Variants in FRMPD3 observed in about 807,000 individuals in gnomAD.
FRMPD3 encodes the protein FERM and PDZ domain-containing protein 3.
Under a neutral mutation model 97.9 loss-of-function variants are expected in FRMPD3, and 42 were observed. The ratio of observed to expected loss-of-function variants is 0.43; its 90% CI spans 0.34 to 0.55. The LOEUF (loss-of-function observed/expected upper bound fraction) is 0.55, where lower values mean the gene tolerates loss of function less well. Among genes scored for constraint, FRMPD3 ranks in the 20% least tolerant of loss-of-function variants. The pLI, the probability that FRMPD3 is intolerant of heterozygous loss-of-function variation, is 0.03. For missense variants in FRMPD3, 1,303 were observed against 1,457.7 expected (o/e 0.89, Z 1.73); for synonymous variants, 577 against 581.1 (o/e 0.99, Z 0.10).
chrX:107,551,585 G>C (rs1921864570), intron 6 of FRMPD3, among the ~76,000 whole-genome samples: 1 of 111,827 alleles, frequency 8.9e-6, no homozygotes. Flanking sequence ...TGTTCCCCTC[G>C]CTTGTGATCT....
intron 10 of FRMPD3, among the ~76,000 whole-genome samples, chrX:107,562,727 C>T (rs749886821): frequency 1.7e-4 from 19 of 112,136 alleles, no homozygotes; most frequent in Admixed American, 4.7e-4. Context: ...TTAGTATGAA[C>T]GGTATTGAGT....
At chrX:107,586,652 T>G (rs1175952165) in intron 13 of FRMPD3, among the ~76,000 whole-genome samples, 2 of 111,824 alleles carry the variant, frequency 1.8e-5, no homozygotes, top group Non-Finnish European at 3.8e-5. Context: ...CATTGTCTCT[T>G]TGTTCTCCTT....
intron 12 of FRMPD3, among the ~76,000 whole-genome samples, chrX:107,565,594 C>A (rs1365489270): frequency 9.2e-6 from 1 of 108,688 alleles, no homozygotes; most frequent in East Asian, 2.9e-4. Context: ...ACTCAGGGGA[C>A]TGAGGTGGGA....
chrX:107,515,598 A>G (rs1452560920), intron 1 of FRMPD3, among the ~76,000 whole-genome samples: 1 of 112,165 alleles, frequency 8.9e-6, no homozygotes, highest in Non-Finnish European at 1.9e-5. Context: ...ACATATGTGT[A>G]GAAAACGTTT....
At chrX:107,488,349 C>T (rs927813175) in intron 1 of FRMPD3, among the ~76,000 whole-genome samples, 2 of 112,143 alleles carry the variant, frequency 1.8e-5, no homozygotes, top group Admixed American at 9.5e-5. Flanking sequence ...CTGCTATTTC[C>T]GTCCAAAGAA....
At chrX:107,507,355 A>G (rs1922059102) in intron 1 of FRMPD3, among the ~76,000 whole-genome samples, 1 of 108,725 alleles carries the variant, frequency 9.2e-6, no homozygotes, top group Non-Finnish European at 1.9e-5. Flanking sequence ...GCGAGCGGGA[A>G]GTTTTCCGCT....
At chrX:107,589,045 T>G (rs925291845) in intron 13 of FRMPD3, among the ~76,000 whole-genome samples, 6 of 110,662 alleles carry the variant, frequency 5.4e-5, no homozygotes, top group Non-Finnish European at 1.1e-4. Flanking sequence ...AGCATAGTTT[T>G]TTATTACCTA....
At chrX:107,531,334 TTCTC>T (rs1222708169) in intron 3 of FRMPD3, among the ~76,000 whole-genome samples, 30 of 105,813 alleles carry the variant, frequency 2.8e-4, no homozygotes, top group African/African-American at 1.0e-3. Flanking sequence ...CACTCTCCTT[TTCTC>T]TCTCCCTCTC....
chrX:107,581,830 G>C (rs1003371859), intron 13 of FRMPD3, among the ~76,000 whole-genome samples: 1 of 112,148 alleles, frequency 8.9e-6, no homozygotes, highest in Non-Finnish European at 1.9e-5. Context: ...GCATGCACCA[G>C]TACTTCATTC....
At position 107,550,180 on chromosome X, in the gene FRMPD3, G is replaced by T. The variant is rs773312953; in HGVS notation, c.510+24G>T. 3 of 995,862 alleles carry T rather than the reference G, an allele frequency of 3.0e-6. No homozygotes were observed. In the African/African-American group the frequency reaches 5.6e-5, roughly 19 times the overall value. 82.1% of individuals were successfully genotyped at this position (995,862 alleles called of 1,213,427 possible). A position where few individuals can be genotyped will look rare whatever the true frequency, so the allele number is the denominator to read the frequency against. ...AGGTACATACAGTCTCCTCCCCCTG[G>T]TCAGCATTGCCCTCTCCAGAGTACA... On this transcript the variant is annotated intron_variant, in intron 6 of 14. Coordinates refer to ENST00000683843, the MANE Select transcript of FRMPD3 (RefSeq NM_001388459.1).
At position 107,600,903 on chromosome X, in the gene FRMPD3, T is replaced by C; in HGVS notation, c.2864T>C (p.Ile955Thr). 1 of 1,209,454 alleles carries C rather than the reference T, an allele frequency of 8.3e-7. No individual in the cohort carries two copies. Among genetic ancestry groups the C allele is most frequent in the Non-Finnish European group, 1.1e-6 (1 of 894,888 alleles). The change falls in exon 15 of 15, where the codon ATC becomes ACC. Residue 955 changes from isoleucine to threonine, a missense_variant. Coordinates refer to ENST00000683843, the MANE Select transcript of FRMPD3 (RefSeq NM_001388459.1). ...CCAAAGAGCAGTGTGACCCCTGCCA[T>C]CATCTCGGCCGCCCTACAGCAAGTG... ...LDPKSSVTPA[I>T]ISAALQQVVH... is the part of the protein sequence containing the mutation.
intron 11 of FRMPD3, among the ~76,000 whole-genome samples, chrX:107,564,216 C>A (rs1922502481): frequency 8.9e-6 from 1 of 112,141 alleles, no homozygotes; most frequent in Non-Finnish European, 1.9e-5. Flanking sequence ...ACACTGAAAG[C>A]CCACTGTCCC....
At chrX:107,578,765 G>C (rs17254179) in intron 13 of FRMPD3, among the ~76,000 whole-genome samples, 1,509 of 111,234 alleles carry the variant, frequency 0.014, 20 homozygotes, top group East Asian at 0.079. Context: ...TTTAAATCTT[G>C]GGCCCTGTTA....
Position 107,601,716 on chromosome X carries a change from C to A in FRMPD3, c.3677C>A (p.Thr1226Asn), listed in dbSNP as rs914335204. 2.5e-6 allele frequency: 3 copies of A among 1,211,345 alleles called. No homozygotes were observed. Among genetic ancestry groups the A allele is most frequent in the Non-Finnish European group, 3.4e-6 (3 of 895,513 alleles). Residue 1226 changes from threonine to asparagine, a missense_variant, in exon 15 of 15, where the codon ACC becomes AAC. By Grantham distance (65) the Thr-to-Asn change is moderately conservative (BLOSUM62 0). Around this residue, in one of 3 missense-constraint regions of FRMPD3, gnomAD observed 764 missense variants for 820.2 expected, o/e 0.93. Coordinates refer to ENST00000683843, the MANE Select transcript of FRMPD3 (RefSeq NM_001388459.1). ...AATTTATTCTCTGCCACCTTCCCAA[C>A]CCGCCAGAAGAAGGAGACAGATGAG... is the stretch of plus-strand genomic sequence containing the variant. ...LRNLFSATFP[T>N]RQKKETDERQ...
chrX:107,549,888 C>T (rs1328559547), intron 5 of FRMPD3, among the ~76,000 whole-genome samples, 161 bp from the exon 6 acceptor site: 1 of 110,715 alleles, frequency 9.0e-6, no homozygotes, highest in Non-Finnish European at 1.9e-5. Context: ...GTTCTGGTCC[C>T]CATGTATTAT....
At chrX:107,533,808 C>T (rs1016757270) in intron 4 of FRMPD3, among the ~76,000 whole-genome samples, 2 of 112,328 alleles carry the variant, frequency 1.8e-5, no homozygotes, top group Non-Finnish European at 3.8e-5. Context: ...CTGCCCACTG[C>T]CTCAATTCCA....
intron 5 of FRMPD3, among the ~76,000 whole-genome samples, chrX:107,546,857 G>A (rs1164371862): frequency 8.9e-6 from 1 of 111,922 alleles, no homozygotes; most frequent in African/African-American, 3.3e-5. Flanking sequence ...AGGGAAATCA[G>A]CAGGGTGCCA....
chrX:107,470,710 C>T (rs764658099), intron 1 of FRMPD3, among the ~76,000 whole-genome samples: 4 of 112,393 alleles, frequency 3.6e-5, no homozygotes, highest in Non-Finnish European at 7.5e-5. Flanking sequence ...CAACATTTTA[C>T]AGGCTGGCTA....
At chrX:107,488,214 G>T (rs1921558008) in intron 1 of FRMPD3, among the ~76,000 whole-genome samples, 1 of 112,002 alleles carries the variant, frequency 8.9e-6, no homozygotes, top group African/African-American at 3.2e-5. Context: ...CCCTAAGAAG[G>T]ATTCTGGTGC....
Sources: allele counts gnomAD v4.1 joint callset (sites outside exome capture counted in the v4.1 genomes callset), GRCh38; gene constraint gnomAD v4.1.1; regional missense constraint gnomAD v4.1.1; transcripts MANE v1.5; gene names NCBI Gene and HGNC (gene_info 2026-07-23, HGNC 2026-07-21).